Variants in DRAXIN observed in about 807,000 individuals in gnomAD.
DRAXIN encodes the protein dorsal inhibitory axon guidance protein.
In DRAXIN, 27 loss-of-function variants were observed where a neutral mutation model predicts 33.9. That is an observed-to-expected ratio of 0.80 (90% confidence interval 0.59 to 1.10). The LOEUF is 1.10. Ranked by LOEUF, DRAXIN falls within the 50% of genes least tolerant of loss-of-function variation. The probability of loss-of-function intolerance (pLI) is 0.00; values close to 1 mark genes in which losing one functional copy is unlikely to be tolerated. For missense variants in DRAXIN, 371 were observed against 460.8 expected, an observed-to-expected ratio of 0.81 and a Z score of 1.78; for synonymous variants, 178 against 194.0, an observed-to-expected ratio of 0.92 and a Z score of 0.69.
In DRAXIN at chr1:11,705,526, G is replaced by T. The variant is rs1641364577; in HGVS notation, c.-10-723G>T. Among the ~76,000 whole-genome samples, 1 of 152,160 alleles carries T rather than the reference G, an allele frequency of 6.6e-6. No individual in the cohort carries two copies. Among genetic ancestry groups the T allele is most frequent in the Non-Finnish European group, 1.5e-5 (1 of 68,020 alleles). ...TGTCAGAACATTCTGGGGCCTCAGA[G>T]CTCATCATGAGAGGAGAAGAGAAAG... On this transcript the variant is annotated intron_variant, in intron 1 of 6. Transcript: ENST00000294485. The surrounding 1 kb of genome is among the most constrained non-coding windows in gnomAD (Gnocchi z 4.8).
chr1:11,702,024 C>G (rs2100733527), intron 1 of DRAXIN, among the ~76,000 whole-genome samples: 1 of 152,274 alleles, frequency 6.6e-6, no homozygotes, highest in South Asian at 2.1e-4. Flanking sequence ...CTGTTGCACA[C>G]AGTCCACACC....
upstream of DRAXIN, among the ~76,000 whole-genome samples, chr1:11,688,900 G>A (rs1013987130): frequency 1.4e-4 from 21 of 152,162 alleles, no homozygotes; most frequent in Non-Finnish European, 4.4e-5. The surrounding 1 kb of genome is among the most constrained non-coding windows in gnomAD (Gnocchi z 4.6). Flanking sequence ...AGATGGCCAC[G>A]AGACCAACCT....
chr1:11,710,914 T>C (rs1641483712), intron 3 of DRAXIN, among the ~76,000 whole-genome samples: 1 of 65,312 alleles, frequency 1.5e-5, no homozygotes, highest in Admixed American at 1.9e-4. Context: ...AGAGTGAGAC[T>C]CCATCTCAAA....
At chr1:11,699,884 G>A (rs764099088) in intron 1 of DRAXIN, among the ~76,000 whole-genome samples, 9 of 151,926 alleles carry the variant, frequency 5.9e-5, no homozygotes, top group East Asian at 1.9e-4. Context: ...CCGAGATGGC[G>A]CCACTGCACT....
chr1:11,691,359 G>T (rs1327678661), upstream of DRAXIN: 2 of 152,152 alleles, frequency 1.3e-5, no homozygotes, highest in Non-Finnish European at 2.9e-5. Context: ...CACAACTGCC[G>T]GAGCCCCTCC....
At chr1:11,686,807 T>TAAAA (rs560855200), upstream of DRAXIN, among the ~76,000 whole-genome samples, 27 of 104,490 alleles carry the variant, frequency 2.6e-4, no homozygotes, top group East Asian at 3.8e-3. Context: ...ACTGCCACTT[T>TAAAA]AAAAAAAAAA....
rs193059859 is a variant in DRAXIN, at chr1:11,717,183, T to G, written c.937+1975T>G. On this transcript the variant is annotated intron_variant, in intron 6 of 6. Transcript: ENST00000294485. ...CTGTAATTCCAGCTACTCGGGAGCCTGAGGCATGAGAATCGCTTGAACCCG... is the reference window on the plus strand; with the variant it reads ...CTGTAATTCCAGCTACTCGGGAGCCGGAGGCATGAGAATCGCTTGAACCCG... 5.3e-3 allele frequency among the ~76,000 whole-genome samples: 806 copies of G among 151,944 alleles called. 14 individuals are homozygous for G. The highest frequency in any genetic ancestry group is 0.02 in the Middle Eastern group (6 of 294).
Position 11,700,620 on chromosome 1 carries a change from C to T in DRAXIN, c.-10-5629C>T, listed in dbSNP as rs1641256671. On this transcript the variant is annotated intron_variant, in intron 1 of 6. Coordinates refer to ENST00000294485, the MANE Select transcript of DRAXIN (RefSeq NM_198545.4). ...TCAGATGCTTACAGAACCCCTGAAACATTCCTGCCAAATACAGTCGCACGA... is the reference window on the plus strand; with the variant it reads ...TCAGATGCTTACAGAACCCCTGAAATATTCCTGCCAAATACAGTCGCACGA... Among the ~76,000 whole-genome samples the T allele has an allele frequency of 1.3e-5, 2 of 152,234 alleles. 1 individual carries two copies. The highest frequency in any genetic ancestry group is 4.1e-4 in the South Asian group (2 of 4,834).
chr1:11,717,131 A>T (rs977638471), intron 6 of DRAXIN, among the ~76,000 whole-genome samples: 57 of 151,608 alleles, frequency 3.8e-4, no homozygotes, highest in African/African-American at 1.2e-3. Context: ...AAAAATACAA[A>T]AATTAGATGG....
intron 4 of DRAXIN, 130 bp from the exon 5 acceptor site, chr1:11,712,210 T>A: frequency 9.2e-7 from 1 of 1,085,564 alleles, no homozygotes; most frequent in South Asian, 1.3e-5. Flanking sequence ...AAATACCTGT[T>A]AGGTCCAACA....
chr1:11,713,909 T>C lies in DRAXIN; in HGVS notation c.848-1210T>C, dbSNP rs371723198. 5.0e-4 allele frequency among the ~76,000 whole-genome samples: 76 copies of C among 152,222 alleles called. No individual in the cohort carries two copies. The East Asian group carries it at 6.9e-3, about 14-fold the overall frequency. ...TTAGCCGGGCATGGTGGCAGGTGCC[T>C]GTAATCCTAGCTACTCAGGAGGCTG... On this transcript the variant is annotated intron_variant, in intron 5 of 6. Transcript: ENST00000294485.
intron 3 of DRAXIN, among the ~76,000 whole-genome samples, chr1:11,710,279 C>T (rs1400283734): frequency 6.6e-6 from 1 of 151,916 alleles, no homozygotes; most frequent in Admixed American, 6.6e-5. Context: ...GTCACTTGAG[C>T]CCAGGAGTTT....
At chr1:11,707,748 G>T (rs895173594) in intron 2 of DRAXIN, among the ~76,000 whole-genome samples, 2 of 151,918 alleles carry the variant, frequency 1.3e-5, no homozygotes, top group African/African-American at 2.4e-5. Flanking sequence ...CCCCACATCC[G>T]CTGGGAGCTA....
chr1:11,717,223 C>A lies in DRAXIN; in HGVS notation c.937+2015C>A, dbSNP rs1270278401. Reference sequence around the variant, plus strand: ...GCTTGAACCCGGGAGGCAGAGATTGCAGTGAGCCGAGATCCTGCCATTGCA... The same window carrying A: ...GCTTGAACCCGGGAGGCAGAGATTGAAGTGAGCCGAGATCCTGCCATTGCA... On this transcript the variant is annotated intron_variant, in intron 6 of 6. Coordinates refer to ENST00000294485, the MANE Select transcript of DRAXIN (RefSeq NM_198545.4). Among the ~76,000 whole-genome samples the A allele has an allele frequency of 2.6e-5, 4 of 151,906 alleles. No individual in the cohort carries two copies. In the South Asian group the frequency reaches 8.3e-4, roughly 32 times the overall value.
At position 11,711,904 on chromosome 1, in the gene DRAXIN, G is replaced by T. The variant is rs1401617129; in HGVS notation, c.696G>T (p.Leu232Phe). 3 of 1,614,020 alleles carry T rather than the reference G, an allele frequency of 1.9e-6. No individual in the cohort carries two copies. In the East Asian group the frequency reaches 6.7e-5, roughly 36 times the overall value. ...GEVMPTLDMA[L>F]FDWTDYEDLK... ...TGATGCCCACGCTGGACATGGCCTT[G>T]TTCGACTGGACCGATTATGAAGACT... Residue 232 changes from leucine to phenylalanine, a missense_variant, in exon 4 of 7, where the codon TTG becomes TTT. By Grantham distance (22) the Leu-to-Phe change is conservative. Coordinates refer to ENST00000294485, the MANE Select transcript of DRAXIN (RefSeq NM_198545.4).
rs1377387649 is a variant in DRAXIN at position 11,721,558 on chromosome 1, C to T, written c.*1862C>T. 1 of 152,288 alleles carries T rather than the reference C, an allele frequency of 6.6e-6. No individual in the cohort carries two copies. Among genetic ancestry groups the T allele is most frequent in the Non-Finnish European group, 1.5e-5 (1 of 68,122 alleles). The allele number at this position is 152,288 out of a possible 1,614,324, so 9.4% of individuals were successfully genotyped here. A position where few individuals can be genotyped will look rare whatever the true frequency, so the allele number is the denominator to read the frequency against. ...TCAGTCGGGGTCAGGGGTCAGGCACCAAGGAAAGCAGGCAGATCTAGAAGA... is the reference window on the plus strand; with the variant it reads ...TCAGTCGGGGTCAGGGGTCAGGCACTAAGGAAAGCAGGCAGATCTAGAAGA... On this transcript the variant is annotated 3_prime_UTR_variant, in exon 7 of 7. Transcript: ENST00000294485.
rs532804021 is a variant in DRAXIN at position 11,704,935 on chromosome 1, C to T, written c.-10-1314C>T. On this transcript the variant is annotated intron_variant, in intron 1 of 6. Transcript: ENST00000294485. This position sits in a 1 kb window ranked among gnomAD's most constrained non-coding sequence, Gnocchi z 4.6. ...GCGAGGCTGGAGAAGGTGTTTCCCC[C>T]CTCCCCTCCACGAGTGCGTGGTCAG... Among the ~76,000 whole-genome samples, 1 of 152,192 alleles carries T rather than the reference C, an allele frequency of 6.6e-6. No homozygotes were observed. Among genetic ancestry groups the T allele is most frequent in the Non-Finnish European group, 1.5e-5 (1 of 68,026 alleles).
rs1641627707 is a variant in DRAXIN at position 11,719,511 on chromosome 1, G to A, written c.938-73G>A. The stretch of plus-strand genomic sequence containing the variant: ...AGGCAGGAGGGAGCTGGCTGGCCCC[G>A]AGCGTGCAGGGGAAGGAAGGGGAGG... On this transcript the variant is annotated intron_variant, in intron 6 of 6. Transcript: ENST00000294485. 18 of 1,339,598 alleles carry A rather than the reference G, an allele frequency of 1.3e-5. 1 individual carries two copies. The highest frequency in any genetic ancestry group is 5.0e-5 in the South Asian group (4 of 80,082). 83.0% of individuals were successfully genotyped at this position (1,339,598 alleles called of 1,614,324 possible).
chr1:11,690,862 G>A (rs1641048831), upstream of DRAXIN, among the ~76,000 whole-genome samples: 4 of 152,312 alleles, frequency 2.6e-5, no homozygotes, highest in South Asian at 8.3e-4. This position sits in a 1 kb window ranked among gnomAD's most constrained non-coding sequence, Gnocchi z 4.2. Context: ...CTTTGTCCGG[G>A]TTGGGCCGGT....
Sources: gnomAD v4.1 joint callset for allele counts (sites outside exome capture counted in the v4.1 genomes callset) on GRCh38, gnomAD v4.1.1 for gene constraint, Gnocchi (gnomAD v3.1) non-coding constraint, MANE v1.5 for transcripts, NCBI Gene and HGNC (gene_info 2026-07-23, HGNC 2026-07-21) for gene names.